Variants in HYCC2 observed in about 807,000 individuals in gnomAD.
HYCC2 encodes hyccin PI4KA lipid kinase complex subunit 2.
the HYCC2 span, among the ~76,000 whole-genome samples, chr2:201,038,438 T>G: frequency 2.6e-5 from 4 of 152,116 alleles, no homozygotes; most frequent in Non-Finnish European, 5.9e-5. Flanking sequence ...AAAGACACAT[T>G]CACATGTATG....
the HYCC2 span, chr2:201,063,737 G>C: frequency 6.3e-7 from 1 of 1,583,750 alleles, no homozygotes; most frequent in Non-Finnish European, 8.6e-7. Flanking sequence ...TGACAACTTT[G>C]GTCATGGAAG....
At chr2:201,043,512 C>CTTT in the HYCC2 span, among the ~76,000 whole-genome samples, 1 of 133,598 alleles carries the variant, frequency 7.5e-6, no homozygotes, top group Non-Finnish European at 1.6e-5. Flanking sequence ...TTCTTTTTTT[C>CTTT]TTTTTTTTTT....
chr2:201,041,768 G>A, the HYCC2 span, among the ~76,000 whole-genome samples: 1 of 152,112 alleles, frequency 6.6e-6, no homozygotes, highest in Non-Finnish European at 1.5e-5. Flanking sequence ...CTGGATGTAA[G>A]ACGGGTACTT....
the HYCC2 span, among the ~76,000 whole-genome samples, chr2:201,028,093 A>T: frequency 2.6e-5 from 4 of 152,340 alleles, no homozygotes; most frequent in East Asian, 7.7e-4. Context: ...AATCTCCTTA[A>T]GCTGATAAGC....
At chr2:201,011,515 T>A in the HYCC2 span, 1 of 1,094,968 alleles carries the variant, frequency 9.1e-7, no homozygotes, top group Non-Finnish European at 1.3e-6. Context: ...TAATCACAGA[T>A]CTACACGAAA....
chr2:201,058,941 T>G, the HYCC2 span, among the ~76,000 whole-genome samples: 1 of 152,228 alleles, frequency 6.6e-6, no homozygotes, highest in Admixed American at 6.5e-5. Context: ...GGATGTCATT[T>G]AATCAGTGGA....
chr2:201,049,925 C>A, the HYCC2 span, among the ~76,000 whole-genome samples: 3 of 152,012 alleles, frequency 2.0e-5, no homozygotes, highest in Non-Finnish European at 4.4e-5. Context: ...GTCTTGAACT[C>A]CTGGGCTCAG....
the HYCC2 span, chr2:200,979,197 TAAATTA>T: frequency 1.3e-5 from 2 of 151,922 alleles, no homozygotes; most frequent in Admixed American, 1.3e-4. Context: ...TGACATCCCT[TAAATTA>T]AAAGAAAGGG....
the HYCC2 span, among the ~76,000 whole-genome samples, chr2:201,034,067 A>G: frequency 6.6e-6 from 1 of 152,106 alleles, no homozygotes; most frequent in Non-Finnish European, 1.5e-5. Context: ...AGCACATTAA[A>G]TATCTATAGT....
At chr2:201,006,150 C>A in the HYCC2 span, among the ~76,000 whole-genome samples, 1 of 133,820 alleles carries the variant, frequency 7.5e-6, no homozygotes, top group Non-Finnish European at 1.6e-5. Context: ...TTTTTTGAGA[C>A]GGAGTCTTGC....
chr2:201,036,462 A>G, the HYCC2 span, among the ~76,000 whole-genome samples: 1 of 152,202 alleles, frequency 6.6e-6, no homozygotes, highest in East Asian at 1.9e-4. Flanking sequence ...TTAGACCAAT[A>G]TCCCTGATGT....
chr2:201,066,091 C>A, the HYCC2 span, among the ~76,000 whole-genome samples: 3 of 126,846 alleles, frequency 2.4e-5, no homozygotes, highest in East Asian at 6.8e-4. Context: ...TTTTTTTTTT[C>A]TTTGGAGACA....
the HYCC2 span, chr2:201,024,091 T>C: frequency 1.6e-5 from 16 of 986,658 alleles, 1 homozygote; most frequent in South Asian, 4.1e-5. Context: ...TAGGAACAAC[T>C]AGAAATAAAT....
the HYCC2 span, among the ~76,000 whole-genome samples, chr2:201,064,530 G>A: frequency 6.5e-3 from 984 of 152,062 alleles, 29 homozygotes; most frequent in Admixed American, 0.057. Flanking sequence ...TATTGTCTTC[G>A]GAAACCTTGG....
At chr2:201,042,082 A>G in the HYCC2 span, among the ~76,000 whole-genome samples, 1 of 152,242 alleles carries the variant, frequency 6.6e-6, no homozygotes, top group East Asian at 1.9e-4. Context: ...TCAGACTGCC[A>G]AGTGCCTGGG....
the HYCC2 span, chr2:201,023,734 A>G: frequency 2.7e-6 from 1 of 364,974 alleles, no homozygotes; most frequent in Non-Finnish European, 5.0e-6. Context: ...CCTAACAACT[A>G]TTTTCATCTT....
chr2:200,983,932 A>T, the HYCC2 span, among the ~76,000 whole-genome samples: 1 of 152,228 alleles, frequency 6.6e-6, no homozygotes, highest in East Asian at 1.9e-4. Context: ...GAATCTACTG[A>T]TATTTTATAT....
chr2:201,002,490 A>G, the HYCC2 span, among the ~76,000 whole-genome samples: 5 of 152,100 alleles, frequency 3.3e-5, no homozygotes, highest in African/African-American at 7.2e-5. Flanking sequence ...TGGCAAGGCT[A>G]ATTTGACAAT....
chr2:201,053,818 G>A, the HYCC2 span, among the ~76,000 whole-genome samples: 4 of 152,044 alleles, frequency 2.6e-5, no homozygotes, highest in East Asian at 7.7e-4. Flanking sequence ...CAAAAAATTC[G>A]CCGGGCATGG....
Sources: gnomAD v4.1 joint callset for allele counts (sites outside exome capture counted in the v4.1 genomes callset) on GRCh38, gnomAD v4.1.1 for gene constraint, MANE v1.5 for transcripts, NCBI Gene and HGNC (gene_info 2026-07-23, HGNC 2026-07-21) for gene names.